PAX5: variants seen among roughly 807,000 people sequenced by gnomAD.
PAX5 encodes paired box 5.
A neutral mutation model predicts 43.7 loss-of-function variants in PAX5; 9 were observed. The observed-to-expected ratio is 0.21, with a 90% CI of 0.12 to 0.36. The LOEUF (loss-of-function observed/expected upper bound fraction) is 0.36. PAX5 is among the 10% of genes least tolerant of loss of function. The probability of loss-of-function intolerance (pLI) is 1.00; values close to 1 mark genes in which losing one functional copy is unlikely to be tolerated. For missense variants in PAX5, 383 were observed against 532.7 expected (o/e 0.72, Z 2.77); for synonymous variants, 228 against 214.3 (o/e 1.06, Z -0.56).
In PAX5 at chr9:36,966,742, G is replaced by C; in HGVS notation, c.605-18C>G. Reference sequence around the variant, plus strand: ...CTGAATACCTTTGATGAGCAGGAGAGAGGAAGGGTGAGTGGAGGTTATACA... The same window carrying C: ...CTGAATACCTTTGATGAGCAGGAGACAGGAAGGGTGAGTGGAGGTTATACA... On this transcript the variant is annotated intron_variant, in intron 5 of 9. Transcript: ENST00000358127. 6.2e-7 allele frequency: 1 copy of C among 1,610,870 alleles called. No individual in the cohort carries two copies. The highest frequency in any genetic ancestry group is 8.5e-7 in the Non-Finnish European group (1 of 1,177,992).
intron 9 of PAX5, 29 bp downstream of exon 9, chr9:36,846,814 G>A (rs1350313212): frequency 2.6e-6 from 4 of 1,558,862 alleles, no homozygotes; most frequent in Non-Finnish European, 3.5e-6. Context: ...ATGGCCCAAG[G>A]GCCCCGCAGG....
intron 8 of PAX5, among the ~76,000 whole-genome samples, chr9:36,857,705 T>A (rs1823808434): frequency 6.6e-6 from 1 of 152,120 alleles, no homozygotes. Flanking sequence ...ACTGCCTCTG[T>A]CCCCAGGGAA....
At chr9:36,870,179 G>T (rs754157688) in intron 8 of PAX5, among the ~76,000 whole-genome samples, 10 of 151,852 alleles carry the variant, frequency 6.6e-5, no homozygotes, top group Admixed American at 1.3e-4. Context: ...TGGATGGATG[G>T]CCACTGCAAC....
chr9:36,903,000 C>T (rs897571455), intron 7 of PAX5, among the ~76,000 whole-genome samples: 2 of 152,168 alleles, frequency 1.3e-5, no homozygotes, highest in African/African-American at 2.4e-5. Context: ...TGGCCTGCCC[C>T]GGGACCTGGG....
chr9:36,870,493 G>T (rs1452324045), intron 8 of PAX5, among the ~76,000 whole-genome samples: 1 of 152,186 alleles, frequency 6.6e-6, no homozygotes, highest in Admixed American at 6.5e-5. Context: ...TCTAAAAATG[G>T]TTTTTAAATG....
chr9:36,950,477 C>T (rs1463837233), intron 6 of PAX5, among the ~76,000 whole-genome samples: 1 of 152,194 alleles, frequency 6.6e-6, no homozygotes, highest in East Asian at 1.9e-4. Flanking sequence ...ACTTGAAACC[C>T]CTCCTCAGTC....
chr9:36,888,631 C>T (rs1827106867), intron 7 of PAX5, among the ~76,000 whole-genome samples: 4 of 152,194 alleles, frequency 2.6e-5, no homozygotes, highest in African/African-American at 9.7e-5. Context: ...AAATGCTCAA[C>T]AGGCAAAGAC....
At chr9:36,939,546 G>A (rs4880041) in intron 6 of PAX5, among the ~76,000 whole-genome samples, 110,391 of 152,150 alleles carry the variant, frequency 0.73, 40,679 homozygotes, top group East Asian at 0.8. Context: ...CATATAAATA[G>A]CTGCATTTCC....
At chr9:36,947,670 G>T (rs7870452) in intron 6 of PAX5, among the ~76,000 whole-genome samples, 42,096 of 151,278 alleles carry the variant, frequency 0.28, 6,556 homozygotes, top group African/African-American at 0.44. Context: ...CATATTATAT[G>T]ATGTTTCATT....
At chr9:36,867,866 T>C (rs1825049424) in intron 8 of PAX5, among the ~76,000 whole-genome samples, 1 of 152,228 alleles carries the variant, frequency 6.6e-6, no homozygotes, top group South Asian at 2.1e-4. Context: ...GCATGGTTTT[T>C]CATTAAAAAC....
chr9:36,886,246 CA>C (rs1826898514), intron 7 of PAX5, among the ~76,000 whole-genome samples: 2 of 152,182 alleles, frequency 1.3e-5, no homozygotes, highest in Admixed American at 1.3e-4. Flanking sequence ...TGCTAAGCAG[CA>C]ATGTGGTGGC....
At chr9:36,984,435 CTTTTTTTT>C (rs10663927) in intron 5 of PAX5, among the ~76,000 whole-genome samples, 7 of 66,874 alleles carry the variant, frequency 1.0e-4, no homozygotes, top group African/African-American at 2.0e-4. Context: ...TTGAACCTCT[CTTTTTTTT>C]TTTTTTTTTT....
At chr9:36,869,212 G>T (rs987426008) in intron 8 of PAX5, among the ~76,000 whole-genome samples, 17 of 152,184 alleles carry the variant, frequency 1.1e-4, no homozygotes, top group Admixed American at 3.9e-4. Flanking sequence ...GCCGAAGGGA[G>T]TCAAACTCTG....
chr9:36,950,984 C>A (rs1432364517), intron 6 of PAX5, among the ~76,000 whole-genome samples: 1 of 152,038 alleles, frequency 6.6e-6, no homozygotes. Flanking sequence ...CCTCGTGATC[C>A]GCCCACCTCG....
At chr9:36,914,173 A>G (rs1829544290) in intron 7 of PAX5, among the ~76,000 whole-genome samples, 1 of 152,252 alleles carries the variant, frequency 6.6e-6, no homozygotes, top group East Asian at 1.9e-4. Flanking sequence ...CTGTCCTGCC[A>G]AACATTCAGG....
intron 7 of PAX5, among the ~76,000 whole-genome samples, chr9:36,892,121 G>C (rs773601318): frequency 6.6e-5 from 10 of 152,172 alleles, no homozygotes; most frequent in Non-Finnish European, 1.2e-4. Flanking sequence ...ACAAAGTCAG[G>C]GTTCTAATTA....
chr9:37,022,650 G>A (rs1362918082), intron 1 of PAX5, among the ~76,000 whole-genome samples: 1 of 152,212 alleles, frequency 6.6e-6, no homozygotes, highest in Non-Finnish European at 1.5e-5. Context: ...AACCTTCAGA[G>A]GACTTAAATT....
In PAX5 at chr9:36,878,384, C is replaced by CA. The variant is rs1374924967; in HGVS notation, c.1012+3619dup. On this transcript the variant is annotated intron_variant, in intron 8 of 9. Coordinates refer to ENST00000358127, the MANE Select transcript of PAX5 (RefSeq NM_016734.3). ...GTGGCGTAGGGGGCTGTGCCTTGAA[C>CA]ACGTTGGGTCATGTGATGTGGCAGA... Among the ~76,000 whole-genome samples, 16 of 152,336 alleles carry CA rather than the reference C, an allele frequency of 1.1e-4. No individual in the cohort carries two copies. In the East Asian group the frequency reaches 3.1e-3, roughly 29 times the overall value.
At chr9:36,869,170 G>T (rs1016317018) in intron 8 of PAX5, among the ~76,000 whole-genome samples, 1 of 152,208 alleles carries the variant, frequency 6.6e-6, no homozygotes, top group Non-Finnish European at 1.5e-5. Flanking sequence ...AGCTGTCAGG[G>T]TCTTGGAGAC....
Sources: gnomAD v4.1 joint callset for allele counts (sites outside exome capture counted in the v4.1 genomes callset) on GRCh38, gnomAD v4.1.1 for gene constraint, MANE v1.5 for transcripts, NCBI Gene and HGNC (gene_info 2026-07-23, HGNC 2026-07-21) for gene names.